Variants in PMS1 observed in about 807,000 individuals in gnomAD.
The protein encoded by PMS1 is PMS1 protein homolog 1.
Under a neutral mutation model 93.1 loss-of-function variants are expected in PMS1, and 79 were observed. That is an observed-to-expected ratio of 0.85 (90% CI 0.71 to 1.02). The LOEUF (loss-of-function observed/expected upper bound fraction) is 1.02. PMS1 is among the 50% of genes least tolerant of loss of function. The pLI is 0.00. For missense variants in PMS1, 1,064 were observed against 1,085.3 expected, an observed-to-expected ratio of 0.98 and a Z score of 0.28; for synonymous variants, 335 against 363.4, an observed-to-expected ratio of 0.92 and a Z score of 0.89.
chr2:189,832,567 G>A (rs1198061745), intron 5 of PMS1, among the ~76,000 whole-genome samples: 2 of 152,102 alleles, frequency 1.3e-5, no homozygotes, highest in African/African-American at 2.4e-5. Flanking sequence ...CTGGGTTCAA[G>A]CGATTCTCCT....
At chr2:189,803,849 T>A (rs573728982) in intron 3 of PMS1, among the ~76,000 whole-genome samples, 1 of 152,342 alleles carries the variant, frequency 6.6e-6, no homozygotes, top group Non-Finnish European at 1.5e-5. Flanking sequence ...TTCTACAAAT[T>A]GTAATTTTAC....
Position 189,877,496 on chromosome 2 carries a change from A to G in PMS1, c.*60A>G, listed in dbSNP as rs553749816. Reference sequence around the variant, plus strand: ...ATTGGTTCTGTCATAAAACAGCATGAGTCTGGTTTTAAATTATCTTTGTAT... The same window carrying G: ...ATTGGTTCTGTCATAAAACAGCATGGGTCTGGTTTTAAATTATCTTTGTAT... On this transcript the variant is annotated 3_prime_UTR_variant, in exon 13 of 13. Transcript: ENST00000441310. The G allele has an allele frequency of 8.8e-7, 1 of 1,140,820 alleles. No individual in the cohort carries two copies. Among genetic ancestry groups the G allele is most frequent in the African/African-American group, 1.5e-5 (1 of 65,066 alleles). 70.7% of individuals were successfully genotyped at this position (1,140,820 alleles called of 1,614,324 possible). A position where few individuals can be genotyped will look rare whatever the true frequency, so the allele number is the denominator to read the frequency against.
chr2:189,821,413 C>T (rs371689897), intron 5 of PMS1, among the ~76,000 whole-genome samples: 81 of 150,796 alleles, frequency 5.4e-4, no homozygotes, highest in African/African-American at 1.7e-3. Flanking sequence ...GCCGAGATTG[C>T]GCCACTGCAC....
intron 9 of PMS1, among the ~76,000 whole-genome samples, chr2:189,858,869 G>A (rs2055647517): frequency 6.6e-6 from 1 of 151,974 alleles, no homozygotes; most frequent in African/African-American, 2.4e-5. Flanking sequence ...TCTTATTCAG[G>A]TAACATTTCT....
intron 4 of PMS1, among the ~76,000 whole-genome samples, chr2:189,807,457 A>G (rs1034325686): frequency 6.6e-6 from 1 of 152,236 alleles, no homozygotes; most frequent in South Asian, 2.1e-4. Flanking sequence ...ACGAGTTCAA[A>G]TTAGGACACC....
At chr2:189,787,659 C>T (rs1349468660) in intron 1 of PMS1, among the ~76,000 whole-genome samples, 1 of 150,716 alleles carries the variant, frequency 6.6e-6, no homozygotes, top group African/African-American at 2.4e-5. Context: ...GATGTATGTA[C>T]ATTATAGTTC....
intron 1 of PMS1, among the ~76,000 whole-genome samples, chr2:189,791,031 A>T (rs2048816245): frequency 6.6e-6 from 1 of 152,192 alleles, no homozygotes; most frequent in Admixed American, 6.5e-5. Flanking sequence ...ATCCTGGAAG[A>T]AATTAGAAAA....
rs746046684 is a variant in PMS1, at chr2:189,873,480, A to AT, written c.2474-8dup. On this transcript the variant is annotated splice_polypyrimidine_tract_variant and intron_variant, in intron 11 of 12. Transcript: ENST00000441310. ...AATATGAACTTAACTATGTGTTTTT[A>AT]TTTTTTTTCTTTCAGGAGTTTCAAT... 52 of 1,550,022 alleles carry AT rather than the reference A, an allele frequency of 3.4e-5. No homozygotes were observed. The highest frequency in any genetic ancestry group is 4.4e-5 in the Non-Finnish European group (50 of 1,123,928).
chr2:189,859,912 A>G (rs947395995), intron 9 of PMS1, among the ~76,000 whole-genome samples: 2 of 152,220 alleles, frequency 1.3e-5, no homozygotes, highest in Admixed American at 1.3e-4. Flanking sequence ...CAAATGAAGT[A>G]TTATATACAA....
chr2:189,796,365 A>T (rs191074018), intron 3 of PMS1, among the ~76,000 whole-genome samples: 62 of 152,208 alleles, frequency 4.1e-4, no homozygotes, highest in Admixed American at 1.4e-3. Context: ...GTCTCAAAAA[A>T]ATATATATAT....
At position 189,855,153 on chromosome 2, in the gene PMS1, A is replaced by C. The variant is rs556130910; in HGVS notation, c.1856+25A>C. On this transcript the variant is annotated intron_variant, in intron 9 of 12. Transcript: ENST00000441310. ...AGTAAGTTTCCAGAGCTTGCATGTG[A>C]CTTGAATGTTCAGCTATTTCCATTC... The C allele has an allele frequency of 1.3e-4, 201 of 1,592,696 alleles. 4 individuals are homozygous for C. In the South Asian group the frequency reaches 2.2e-3, roughly 17 times the overall value.
chr2:189,831,160 G>A (rs1173373840), intron 5 of PMS1, among the ~76,000 whole-genome samples: 1 of 152,208 alleles, frequency 6.6e-6, no homozygotes, highest in Non-Finnish European at 1.5e-5. Flanking sequence ...ACATTTAGAG[G>A]CAGTGAAGAA....
At chr2:189,797,924 C>T (rs2049506010) in intron 3 of PMS1, among the ~76,000 whole-genome samples, 1 of 152,192 alleles carries the variant, frequency 6.6e-6, no homozygotes, top group African/African-American at 2.4e-5. Flanking sequence ...GAGGGGATTA[C>T]ATTCCTGATT....
At chr2:189,857,613 C>A in intron 9 of PMS1, 1 of 384,500 alleles carries the variant, frequency 2.6e-6, no homozygotes. Context: ...CTTCTTCTCT[C>A]GATTCCTCCT....
intron 4 of PMS1, chr2:189,806,457 G>A: frequency 3.3e-6 from 1 of 307,080 alleles, no homozygotes; most frequent in Non-Finnish European, 6.4e-6. Context: ...GACTGCAGTG[G>A]CATCATCTTG....
At chr2:189,872,535 G>A (rs142209716) in intron 11 of PMS1, among the ~76,000 whole-genome samples, 166 of 152,244 alleles carry the variant, frequency 1.1e-3, no homozygotes, top group East Asian at 4.4e-3. Flanking sequence ...CCAAAAATAT[G>A]CATTCTAAAG....
Position 189,859,308 on chromosome 2 carries a change from A to G in PMS1, c.1856+4180A>G, listed in dbSNP as rs575207644. Among the ~76,000 whole-genome samples, 12 of 152,304 alleles carry G rather than the reference A, an allele frequency of 7.9e-5. No individual in the cohort carries two copies. In the South Asian group the frequency reaches 8.3e-4, roughly 11 times the overall value. Reference sequence around the variant, plus strand: ...AAACTGAAGTAGATGTGTATTATCCATAAGTTACAGTTGAGCATGAGACAC... The same window carrying G: ...AAACTGAAGTAGATGTGTATTATCCGTAAGTTACAGTTGAGCATGAGACAC... On this transcript the variant is annotated intron_variant, in intron 9 of 12. Transcript: ENST00000441310.
intron 4 of PMS1, among the ~76,000 whole-genome samples, chr2:189,811,686 T>A (rs2050859808): frequency 6.6e-6 from 1 of 152,092 alleles, no homozygotes; most frequent in Admixed American, 6.6e-5. Context: ...CAAAGCCACA[T>A]ACCAAAGAGT....
chr2:189,808,548 C>G (rs1028507927), intron 4 of PMS1, among the ~76,000 whole-genome samples: 38 of 151,970 alleles, frequency 2.5e-4, no homozygotes, highest in African/African-American at 8.7e-4. Flanking sequence ...CCAGGCTGGT[C>G]TCGAACTCCT....
Sources: gnomAD v4.1 joint callset for allele counts (sites outside exome capture counted in the v4.1 genomes callset) on GRCh38, gnomAD v4.1.1 for gene constraint, MANE v1.5 for transcripts, NCBI Gene and HGNC (gene_info 2026-07-23, HGNC 2026-07-21) for gene names.